PML: variants seen among roughly 807,000 people sequenced by gnomAD.
PML encodes the protein PML nuclear body scaffold.
PML carries 28 observed loss-of-function variants against 65.2 expected under a neutral mutation model. The observed-to-expected ratio is 0.43, with a 90% confidence interval of 0.32 to 0.59. The LOEUF is 0.59. PML is among the 20% of genes least tolerant of loss of function. The probability of loss-of-function intolerance (pLI) is 0.08; values close to 1 mark genes in which losing one functional copy is unlikely to be tolerated. For missense variants in PML, 1,021 were observed against 1,203.4 expected (o/e 0.85, Z 2.24); for synonymous variants, 500 against 508.8 (o/e 0.98, Z 0.23).
At chr15:74,039,426 G>T (rs1347851678) in intron 7 of PML, among the ~76,000 whole-genome samples, 1 of 152,236 alleles carries the variant, frequency 6.6e-6, no homozygotes, top group Non-Finnish European at 1.5e-5. Flanking sequence ...CCCAGCTGTA[G>T]CTGATGCTTA....
At chr15:74,029,767 A>G (rs965111043) in intron 4 of PML, among the ~76,000 whole-genome samples, 1 of 152,192 alleles carries the variant, frequency 6.6e-6, no homozygotes, top group African/African-American at 2.4e-5. Flanking sequence ...TCATGGTTGG[A>G]TCCACTAATG....
At chr15:74,005,488 C>T (rs2069998520) in intron 2 of PML, among the ~76,000 whole-genome samples, 1 of 151,942 alleles carries the variant, frequency 6.6e-6, no homozygotes, top group Non-Finnish European at 1.5e-5. Context: ...CAGAGAGCTC[C>T]TCGAATTGTT....
chr15:74,043,201 G>A lies in PML; in HGVS notation c.1861+62G>A. ...TTTAGTCTCTGAGTCCCAAAAAGAAGTGCAGGCAGAGCCATCTGCCAGGCC... is the reference window on the plus strand; with the variant it reads ...TTTAGTCTCTGAGTCCCAAAAAGAAATGCAGGCAGAGCCATCTGCCAGGCC... On this transcript the variant is annotated intron_variant, in intron 8 of 8. Coordinates refer to ENST00000268058, the MANE Select transcript of PML (RefSeq NM_033238.3). This position sits in a 1 kb window ranked among gnomAD's most constrained non-coding sequence, Gnocchi z 4.3. 1 of 1,613,932 alleles carries A rather than the reference G, an allele frequency of 6.2e-7. No homozygotes were observed.
chr15:74,017,982 A>T (rs1014022044), intron 2 of PML, among the ~76,000 whole-genome samples: 8 of 151,990 alleles, frequency 5.3e-5, no homozygotes, highest in East Asian at 1.9e-4. Context: ...AAAATTAAAA[A>T]TTTTTTTCTT....
rs1220973529 is a variant in PML, at chr15:74,044,679, A to G, written c.2320A>G (p.Ser774Gly). ...GGCCCAGCATGTCTACCCCTTCAGT[A>G]GCCTGCAGTGCTTTGCCTCCCTGCA... is the stretch of plus-strand genomic sequence containing the variant. ...QLAQHVYPFS[S>G]LQCFASLQPL... The change falls in exon 9 of 9, where the codon AGC becomes GGC. Residue 774 changes from serine (S) to glycine (G), a missense_variant. Transcript: ENST00000268058. 16 of 1,606,398 alleles carry G rather than the reference A, an allele frequency of 1.0e-5. No homozygotes were observed. The highest frequency in any genetic ancestry group is 1.2e-5 in the Non-Finnish European group (14 of 1,179,944).
At chr15:74,015,358 T>TA (rs1477245113) in intron 2 of PML, among the ~76,000 whole-genome samples, 1 of 152,226 alleles carries the variant, frequency 6.6e-6, no homozygotes, top group Non-Finnish European at 1.5e-5. Context: ...TAACTGTAGT[T>TA]ACTTGAATTT....
Position 74,043,451 on chromosome 15 carries a change from G to A in PML, c.1861+312G>A, listed in dbSNP as rs1323686348. 47 of 1,283,146 alleles carry A rather than the reference G, an allele frequency of 3.7e-5. No homozygotes were observed. Among genetic ancestry groups the A allele is most frequent in the African/African-American group, 3.0e-5 (2 of 66,962 alleles). 79.5% of individuals were successfully genotyped at this position (1,283,146 alleles called of 1,614,324 possible). Reference sequence around the variant, plus strand: ...ACACTCCTAGACAGAAACACAATGCGTGAGCTCATTGCCGTGAGCCCTGTC... The same window carrying A: ...ACACTCCTAGACAGAAACACAATGCATGAGCTCATTGCCGTGAGCCCTGTC... On this transcript the variant is annotated intron_variant, in intron 8 of 8. Coordinates refer to ENST00000268058, the MANE Select transcript of PML (RefSeq NM_033238.3). This position sits in a 1 kb window ranked among gnomAD's most constrained non-coding sequence, Gnocchi z 4.3.
Position 74,044,941 on chromosome 15 carries a change from G to C in PML, c.2582G>C (p.Arg861Pro), listed in dbSNP as rs370339805. ...CTGTTGGAGGGTCCGGCGCTGGCAC[G>C]GGCAGAAGGAGTCTCCACCCCACTT... ...EGLLEGPALA[R>P]AEGVSTPLAG... Residue 861 changes from arginine to proline, a missense_variant, in exon 9 of 9, where the codon CGG (arginine) becomes CCG (proline). By Grantham distance (103) the Arg-to-Pro change is moderately radical. Transcript: ENST00000268058. 5 of 1,612,608 alleles carry C rather than the reference G, an allele frequency of 3.1e-6. No individual in the cohort carries two copies. The highest frequency in any genetic ancestry group is 4.2e-6 in the Non-Finnish European group (5 of 1,179,806).
In PML at chr15:74,044,502, C is replaced by G. The variant is rs769781945; in HGVS notation, c.2143C>G (p.Arg715Gly). The G allele has an allele frequency of 3.1e-6, 5 of 1,614,010 alleles. No homozygotes were observed. The East Asian group carries it at 6.7e-5, about 22-fold the overall frequency. The change falls in exon 9 of 9, where the codon CGG becomes GGG. Residue 715 changes from arginine (R) to glycine (G), a missense_variant. Coordinates refer to ENST00000268058, the MANE Select transcript of PML (RefSeq NM_033238.3). ...CTTCCTGGCTGCCCTGCCTCTCATC[C>G]GGGAGCGTGTGCCCGGGGCCAGCAG... ...SGFLAALPLIRERVPGASSFK... is the reference protein window; with the variant it reads ...SGFLAALPLIGERVPGASSFK...
At chr15:74,010,703 G>T (rs780457477) in intron 2 of PML, among the ~76,000 whole-genome samples, 22 of 152,142 alleles carry the variant, frequency 1.4e-4, no homozygotes, top group Middle Eastern at 6.8e-3. Context: ...GCCTGCCTTC[G>T]AAGCTTGAAT....
rs919615412 is a variant in PML at position 74,037,331 on chromosome 15, T to C, written c.1710+2801T>C. The C allele has an allele frequency of 1.0e-6, 1 of 985,398 alleles. No individual in the cohort carries two copies. The highest frequency in any genetic ancestry group is 1.2e-6 in the Non-Finnish European group (1 of 829,904). The allele number at this position is 985,398 out of a possible 1,614,324, so 61.0% of individuals were successfully genotyped here. A position where few individuals can be genotyped will look rare whatever the true frequency, so the allele number is the denominator to read the frequency against. On this transcript the variant is annotated intron_variant, in intron 7 of 8. Coordinates refer to ENST00000268058, the MANE Select transcript of PML (RefSeq NM_033238.3). The surrounding 1 kb of genome is among the most constrained non-coding windows in gnomAD (Gnocchi z 4.2). ...CCATCGCACCCCTTCCCTGCCCTCG[T>C]TAGGGTGGAAGGGATGTCCACCTGC...
In PML at chr15:74,034,470, C is replaced by T. The variant is rs780450207; in HGVS notation, c.1658-8C>T. 7 of 1,614,156 alleles carry T rather than the reference C, an allele frequency of 4.3e-6. No individual in the cohort carries two copies. The highest frequency in any genetic ancestry group is 2.2e-5 in the South Asian group (2 of 91,074). The stretch of plus-strand genomic sequence containing the variant: ...AGTTCATAATGCATCTCCCCTTCCC[C>T]GTTTCAGAGGAACGCGTTGTGGTGA... On this transcript the variant is annotated splice_polypyrimidine_tract_variant and splice_region_variant and intron_variant, in intron 6 of 8. Transcript: ENST00000268058.
intron 2 of PML, among the ~76,000 whole-genome samples, chr15:74,015,047 A>G (rs549659407): frequency 6.6e-6 from 1 of 152,320 alleles, no homozygotes; most frequent in East Asian, 1.9e-4. Context: ...TGGCACCAGC[A>G]TCAGACAGGA....
chr15:74,012,976 C>T (rs891304087), intron 2 of PML, among the ~76,000 whole-genome samples: 1 of 152,172 alleles, frequency 6.6e-6, no homozygotes. Flanking sequence ...TTTGTAGACA[C>T]TGCTGCATTA....
At chr15:74,036,296 C>T (rs1275312294) in intron 7 of PML, 2 of 1,454,970 alleles carry the variant, frequency 1.4e-6, no homozygotes, top group African/African-American at 2.8e-5. Context: ...CAAGCCTCTC[C>T]ACTAGGCCTC....
intron 2 of PML, among the ~76,000 whole-genome samples, chr15:74,009,129 A>C (rs1049772539): frequency 1.3e-5 from 2 of 152,168 alleles, no homozygotes; most frequent in Non-Finnish European, 2.9e-5. Context: ...CTTCCACCCA[A>C]GCATGGTGTG....
intron 7 of PML, 197 bp downstream of exon 7, chr15:74,034,727 C>T (rs774036129): frequency 3.3e-6 from 5 of 1,504,302 alleles, no homozygotes; most frequent in African/African-American, 1.4e-5. Context: ...CCTCCCACTA[C>T]ACCAGGGCCA....
Position 74,042,426 on chromosome 15 carries a change from C to T in PML, c.1711-563C>T. On this transcript the variant is annotated intron_variant, in intron 7 of 8. Transcript: ENST00000268058. The surrounding 1 kb of genome is among the most constrained non-coding windows in gnomAD (Gnocchi z 5.3). ...ACAAGAAAAGGCAGGCTCCCGACCC[C>T]TTCCAAAGAATCATCTGGGGTTCAA... 2 of 985,448 alleles carry T rather than the reference C, an allele frequency of 2.0e-6. No homozygotes were observed. The highest frequency in any genetic ancestry group is 2.4e-6 in the Non-Finnish European group (2 of 829,932). 61.0% of individuals were successfully genotyped at this position (985,448 alleles called of 1,614,324 possible).
intron 4 of PML, chr15:74,025,165 G>T: frequency 1.8e-6 from 1 of 546,272 alleles, no homozygotes; most frequent in Non-Finnish European, 3.3e-6. Context: ...CCATGAGCCA[G>T]GTTCAGTGGG....
Sources: gnomAD v4.1 joint callset for allele counts (sites outside exome capture counted in the v4.1 genomes callset) on GRCh38, gnomAD v4.1.1 for gene constraint, Gnocchi (gnomAD v3.1) non-coding constraint, MANE v1.5 for transcripts, NCBI Gene and HGNC (gene_info 2026-07-23, HGNC 2026-07-21) for gene names.